MSRA: variants seen among roughly 807,000 people sequenced by gnomAD.
The protein encoded by MSRA is methionine sulfoxide reductase A, also known as mitochondrial peptide methionine sulfoxide reductase.
Under a neutral mutation model 31.3 loss-of-function variants are expected in MSRA, and 54 were observed. The ratio of observed to expected loss-of-function variants is 1.73; its 90% CI spans 1.39 to 2.17. MSRA has a LOEUF of 2.17. Among genes scored for constraint, MSRA ranks in the 30% most tolerant of loss-of-function variants. The pLI is 0.00. For synonymous variants in MSRA, 169 were observed against 116.5 expected, an observed-to-expected ratio of 1.45 and a Z score of -2.90; for missense variants, 507 against 300.9, an observed-to-expected ratio of 1.69 and a Z score of -5.07.
intron 3 of MSRA, among the ~76,000 whole-genome samples, chr8:10,285,567 A>G (rs1319623333): frequency 6.6e-6 from 1 of 152,140 alleles, no homozygotes; most frequent in East Asian, 1.9e-4. Context: ...GTCAGTCTGT[A>G]GGGTTCTGGA....
chr8:10,106,954 C>T (rs775504237), intron 1 of MSRA, among the ~76,000 whole-genome samples: 26 of 152,010 alleles, frequency 1.7e-4, no homozygotes, highest in African/African-American at 4.1e-4. Flanking sequence ...CACCCACCTA[C>T]GCAACCATCT....
rs142783673 is a variant in MSRA at position 10,218,443 on chromosome 8, C to T, written c.211+10542C>T. On this transcript the variant is annotated intron_variant, in intron 2 of 5. Coordinates refer to ENST00000317173, the MANE Select transcript of MSRA (RefSeq NM_012331.5). ...TACAGGTGTGAGCCACTGCGCCCGG[C>T]CCTGGTTCCTTTTCTTTTGGTGAAG... is the stretch of plus-strand genomic sequence containing the variant. Among the ~76,000 whole-genome samples the T allele has an allele frequency of 1.7e-4, 26 of 152,268 alleles. 1 individual carries two copies. The East Asian group carries it at 4.4e-3, about 26-fold the overall frequency.
chr8:10,200,459 G>T (rs918581923), intron 1 of MSRA, among the ~76,000 whole-genome samples: 14 of 152,088 alleles, frequency 9.2e-5, no homozygotes, highest in African/African-American at 3.1e-4. Context: ...CAGCAGCTGG[G>T]GACATTTGCC....
chr8:10,054,411 GCC>G lies in MSRA; in HGVS notation c.-105_-104del. ...CCCGCGCCCGCCCGCCCGCGCCCCT[GCC>G]GCCCCCCGGTTCCGGCCGCGGACCC... On this transcript the variant is annotated 5_prime_UTR_variant, in exon 1 of 6. Transcript: ENST00000317173. 3 of 649,104 alleles carry G rather than the reference GCC, an allele frequency of 4.6e-6. No homozygotes were observed. Among genetic ancestry groups the G allele is most frequent in the Non-Finnish European group, 6.1e-6 (3 of 493,996 alleles). The allele number at this position is 649,104 out of a possible 1,614,324, so 40.2% of individuals were successfully genotyped here.
chr8:10,169,424 T>TAA (rs1316034616), intron 1 of MSRA, among the ~76,000 whole-genome samples: 1 of 152,238 alleles, frequency 6.6e-6, no homozygotes, highest in Non-Finnish European at 1.5e-5. Context: ...TATTACTGTT[T>TAA]GCTTATTTTA....
Position 10,318,382 on chromosome 8 carries a change from C to G in MSRA, c.437-1501C>G, listed in dbSNP as rs1443201066. The stretch of plus-strand genomic sequence containing the variant: ...TGTCAGGCTCGTGACTACTCTTACC[C>G]CTCCCTCCCTCGTCCTGGTTATTCC... On this transcript the variant is annotated intron_variant, in intron 4 of 5. Coordinates refer to ENST00000317173, the MANE Select transcript of MSRA (RefSeq NM_012331.5). Among the ~76,000 whole-genome samples, 7 of 152,226 alleles carry G rather than the reference C, an allele frequency of 4.6e-5. No individual in the cohort carries two copies. The East Asian group carries it at 1.2e-3, about 25-fold the overall frequency.
intron 1 of MSRA, 142 bp from the exon 2 acceptor site, chr8:10,207,691 A>C (rs1184281309): frequency 1.7e-5 from 11 of 650,036 alleles, no homozygotes; most frequent in Non-Finnish European, 2.3e-5. Context: ...AAAACAAAAT[A>C]ATTGAAGCTC....
intron 1 of MSRA, among the ~76,000 whole-genome samples, chr8:10,203,664 A>G (rs548670454): frequency 2.0e-4 from 31 of 152,380 alleles, no homozygotes; most frequent in African/African-American, 6.5e-4. Context: ...CATCATAAAC[A>G]ATGATGTTAC....
rs146337882 is a variant in MSRA, at chr8:10,309,999, C to A, written c.436+8361C>A. Among the ~76,000 whole-genome samples the A allele has an allele frequency of 1.9e-3, 292 of 152,322 alleles. 1 individual carries two copies. The highest frequency in any genetic ancestry group is 6.5e-3 in the African/African-American group (269 of 41,566). The stretch of plus-strand genomic sequence containing the variant: ...AGACAAATCCTATTTTCCTTCTGTT[C>A]CCCATCAACTTGGCAATAAAATACT... On this transcript the variant is annotated intron_variant, in intron 4 of 5. Transcript: ENST00000317173.
intron 5 of MSRA, among the ~76,000 whole-genome samples, chr8:10,358,970 G>A (rs1804679852): frequency 6.6e-6 from 1 of 152,130 alleles, no homozygotes; most frequent in South Asian, 2.1e-4. Context: ...GAATATAACT[G>A]ACGCCTGATG....
intron 3 of MSRA, among the ~76,000 whole-genome samples, chr8:10,260,236 G>T (rs987025889): frequency 2.0e-5 from 3 of 152,204 alleles, no homozygotes; most frequent in African/African-American, 7.2e-5. Flanking sequence ...AATAAAAAAA[G>T]CTCCACTTCT....
At chr8:10,107,905 A>T (rs1800002374) in intron 1 of MSRA, among the ~76,000 whole-genome samples, 1 of 152,144 alleles carries the variant, frequency 6.6e-6, no homozygotes, top group Non-Finnish European at 1.5e-5. Flanking sequence ...GAGCATCCCT[A>T]ATCTCCTTTA....
At chr8:10,264,495 A>T (rs1040974406) in intron 3 of MSRA, among the ~76,000 whole-genome samples, 2 of 152,214 alleles carry the variant, frequency 1.3e-5, no homozygotes, top group African/African-American at 4.8e-5. Context: ...CAACTTGTTT[A>T]TCAGAACGAT....
chr8:10,095,192 T>C (rs932252133), intron 1 of MSRA, among the ~76,000 whole-genome samples: 1 of 152,240 alleles, frequency 6.6e-6, no homozygotes, highest in Admixed American at 6.5e-5. Flanking sequence ...TAAAGTTACA[T>C]ACATCTCTTC....
intron 2 of MSRA, among the ~76,000 whole-genome samples, chr8:10,234,805 A>C (rs1049365425): frequency 6.6e-6 from 1 of 152,110 alleles, no homozygotes; most frequent in African/African-American, 2.4e-5. Context: ...ATTAGAAAAA[A>C]TAATTTTAAG....
At chr8:10,082,846 C>A (rs1208341870) in intron 1 of MSRA, among the ~76,000 whole-genome samples, 1 of 152,222 alleles carries the variant, frequency 6.6e-6, no homozygotes, top group Non-Finnish European at 1.5e-5. Context: ...GGAGCACCCA[C>A]CAAAGTGCCG....
rs967096592 is a variant in MSRA, at chr8:10,095,994, CCTG to C, written c.142+41339_142+41341del. 2.8e-6 allele frequency: 4 copies of C among 1,438,102 alleles called. No homozygotes were observed. In the East Asian group the frequency reaches 7.7e-5, roughly 28 times the overall value. 89.1% of individuals were successfully genotyped at this position (1,438,102 alleles called of 1,614,324 possible). On this transcript the variant is annotated intron_variant, in intron 1 of 5. Transcript: ENST00000317173. ...AATAAAGTTTGTTCATCAATACAAA[CCTG>C]CTTTCAAATCAAATCAGAAAGACAT...
rs58455212 is a variant in MSRA at position 10,317,969 on chromosome 8, C to A, written c.437-1914C>A. 9.0e-3 allele frequency among the ~76,000 whole-genome samples: 1,369 copies of A among 152,196 alleles called. 21 individuals are homozygous for A. The highest frequency in any genetic ancestry group is 0.031 in the African/African-American group (1,286 of 41,512). ...ACGCCCAACCCACCAGCTTCAGGAC[C>A]CACCAGGCCCCTTGTCAGACCTTGT... On this transcript the variant is annotated intron_variant, in intron 4 of 5. Transcript: ENST00000317173.
chr8:10,219,872 T>G (rs182174540), intron 2 of MSRA, among the ~76,000 whole-genome samples: 87 of 151,500 alleles, frequency 5.7e-4, no homozygotes, highest in African/African-American at 1.0e-3. Flanking sequence ...TTTGGTTTTT[T>G]TTTGTTTGTT....
Sources: gnomAD v4.1 joint callset for allele counts (sites outside exome capture counted in the v4.1 genomes callset) on GRCh38, gnomAD v4.1.1 for gene constraint, MANE v1.5 for transcripts, NCBI Gene and HGNC (gene_info 2026-07-23, HGNC 2026-07-21) for gene names.